The following NEGR1 variants were observed in gnomAD, a reference collection of about 807,000 sequenced individuals.
The protein encoded by NEGR1 is IgLON family member 4.
NEGR1 carries 10 observed loss-of-function variants against 40.9 expected under a neutral mutation model. The ratio of observed to expected loss-of-function variants is 0.24; its 90% CI spans 0.15 to 0.42. The LOEUF (loss-of-function observed/expected upper bound fraction) is 0.42, where lower values mean the gene tolerates loss of function less well. Among genes scored for constraint, NEGR1 ranks in the 10% least tolerant of loss-of-function variants. NEGR1 has a pLI of 1.00. For synonymous variants in NEGR1, 185 were observed against 166.8 expected (o/e 1.11, Z -0.84); for missense variants, 352 against 438.9 (o/e 0.80, Z 1.77).
chr1:71,641,153 A>T (rs1360334994), intron 4 of NEGR1, among the ~76,000 whole-genome samples: 1 of 152,118 alleles, frequency 6.6e-6, no homozygotes, highest in Non-Finnish European at 1.5e-5. Context: ...ATTAGCACAG[A>T]ACAGATTGTT....
chr1:71,977,060 T>C (rs988095487), intron 1 of NEGR1, among the ~76,000 whole-genome samples: 2 of 152,160 alleles, frequency 1.3e-5, no homozygotes, highest in African/African-American at 2.4e-5. Context: ...TGGTGGCTCA[T>C]GGCTGTAATC....
chr1:72,002,249 A>C (rs1646564048), intron 1 of NEGR1, among the ~76,000 whole-genome samples: 1 of 152,096 alleles, frequency 6.6e-6, no homozygotes, highest in South Asian at 2.1e-4. Flanking sequence ...TCTGGTAATA[A>C]AGTTGTTTTT....
At chr1:72,234,190 G>A (rs1409841339) in intron 1 of NEGR1, among the ~76,000 whole-genome samples, 3 of 152,032 alleles carry the variant, frequency 2.0e-5, no homozygotes, top group African/African-American at 7.2e-5. Context: ...ATGCGTTCAT[G>A]TATTCTCATC....
chr1:71,426,265 T>C (rs996080525), intron 6 of NEGR1, among the ~76,000 whole-genome samples: 1 of 152,194 alleles, frequency 6.6e-6, no homozygotes, highest in Admixed American at 6.5e-5. Flanking sequence ...CTTATCAGCA[T>C]GAATAGAAGA....
chr1:72,131,942 C>CA (rs1018056195), intron 1 of NEGR1, among the ~76,000 whole-genome samples: 4 of 151,738 alleles, frequency 2.6e-5, no homozygotes, highest in Non-Finnish European at 4.4e-5. Context: ...ACTAAAAATA[C>CA]AAAAAAATTA....
chr1:72,241,097 T>C lies in NEGR1; in HGVS notation c.176+41222A>G, dbSNP rs146142238. 9.8e-3 allele frequency among the ~76,000 whole-genome samples: 1,484 copies of C among 151,974 alleles called. 24 individuals carry two copies. Among genetic ancestry groups the C allele is most frequent in the African/African-American group, 0.034 (1,408 of 41,526 alleles). On this transcript the variant is annotated intron_variant, in intron 1 of 6. Coordinates refer to ENST00000357731, the MANE Select transcript of NEGR1 (RefSeq NM_173808.3). ...GTGGTTTAACTTGATGGAGCTTATG[T>C]TGACAAGTTTGTATTTTAATTTTTA...
At chr1:71,910,723 A>G (rs499314) in intron 2 of NEGR1, among the ~76,000 whole-genome samples, 51,753 of 151,964 alleles carry the variant, frequency 0.34, 9,373 homozygotes, top group East Asian at 0.6. Context: ...TTTGAGACAG[A>G]GTCTCACTCT....
intron 6 of NEGR1, among the ~76,000 whole-genome samples, chr1:71,529,722 T>C (rs554435740): frequency 1.3e-5 from 2 of 151,298 alleles, no homozygotes; most frequent in South Asian, 2.1e-4. Context: ...GAATAACTTA[T>C]AGTCCAGCAC....
intron 3 of NEGR1, among the ~76,000 whole-genome samples, chr1:71,737,223 G>A (rs776146145): frequency 5.3e-5 from 8 of 152,212 alleles, no homozygotes; most frequent in Admixed American, 2.6e-4. Flanking sequence ...ATCCCAAAAT[G>A]TCTGTTAAAC....
intron 6 of NEGR1, among the ~76,000 whole-genome samples, chr1:71,434,342 A>T (rs547155246): frequency 7.9e-5 from 12 of 152,306 alleles, no homozygotes; most frequent in African/African-American, 2.2e-4. Context: ...AAATAAATAA[A>T]TGTAAAGATG....
chr1:71,432,332 C>T (rs1646475202), intron 6 of NEGR1, among the ~76,000 whole-genome samples: 1 of 152,096 alleles, frequency 6.6e-6, no homozygotes, highest in African/African-American at 2.4e-5. Context: ...ATATTTAAGG[C>T]ATAAAATGTA....
intron 1 of NEGR1, among the ~76,000 whole-genome samples, chr1:72,220,486 C>A (rs1253663285): frequency 6.6e-6 from 1 of 151,318 alleles, no homozygotes; most frequent in Non-Finnish European, 1.5e-5. Flanking sequence ...TGACCAAAAT[C>A]AGTAGATTAC....
chr1:72,073,802 C>CA (rs200568648), intron 1 of NEGR1, among the ~76,000 whole-genome samples: 4,509 of 141,890 alleles, frequency 0.032, 70 homozygotes, highest in African/African-American at 0.049. Flanking sequence ...ATTTTTTTTC[C>CA]AAAAAAAAAT....
chr1:71,556,645 A>G (rs1022059975), intron 6 of NEGR1, among the ~76,000 whole-genome samples: 3 of 150,948 alleles, frequency 2.0e-5, no homozygotes, highest in South Asian at 2.1e-4. Context: ...ACACACACAC[A>G]CACACACATA....
In NEGR1 at chr1:72,143,898, T is replaced by TATATATGA. The variant is rs1650786265; in HGVS notation, c.176+138413_176+138420dup. ...ATCATATATTCATATATATATATTA[T>TATATATGA]ATATATGATATATATAATATATATA... On this transcript the variant is annotated intron_variant, in intron 1 of 6. Transcript: ENST00000357731. Among the ~76,000 whole-genome samples the TATATATGA allele has an allele frequency of 7.5e-5, 6 of 80,238 alleles. No individual in the cohort carries two copies. In the East Asian group the frequency reaches 1.3e-3, roughly 17 times the overall value. 52.6% of individuals were successfully genotyped at this position (80,238 alleles called of 152,430 possible).
chr1:71,740,674 A>G (rs1268625443), intron 3 of NEGR1, among the ~76,000 whole-genome samples: 1 of 152,098 alleles, frequency 6.6e-6, no homozygotes, highest in African/African-American at 2.4e-5. Flanking sequence ...ATCTCAAGGG[A>G]CTGTATCATT....
At chr1:71,496,086 T>C (rs1389803875) in intron 6 of NEGR1, among the ~76,000 whole-genome samples, 1 of 152,216 alleles carries the variant, frequency 6.6e-6, no homozygotes, top group Non-Finnish European at 1.5e-5. Flanking sequence ...GTAGTTTTCT[T>C]TTTAATTATA....
chr1:72,011,213 G>C (rs1464893848), intron 1 of NEGR1, among the ~76,000 whole-genome samples: 1 of 152,052 alleles, frequency 6.6e-6, no homozygotes, highest in African/African-American at 2.4e-5. Context: ...AGGGCTTAGG[G>C]AGAACATAAG....
At chr1:72,151,153 C>T (rs1444769587) in intron 1 of NEGR1, among the ~76,000 whole-genome samples, 1 of 151,686 alleles carries the variant, frequency 6.6e-6, no homozygotes, top group Non-Finnish European at 1.5e-5. Flanking sequence ...AAATGAAGAA[C>T]AAAAGGTTTG....
Sources: allele counts gnomAD v4.1 joint callset (sites outside exome capture counted in the v4.1 genomes callset), GRCh38; gene constraint gnomAD v4.1.1; transcripts MANE v1.5; gene names NCBI Gene and HGNC (gene_info 2026-07-23, HGNC 2026-07-21).